The following NAALADL2 variants were observed in gnomAD, a reference collection of about 807,000 sequenced individuals.
The protein encoded by NAALADL2 is inactive N-acetylated-alpha-linked acidic dipeptidase-like protein 2.
A neutral mutation model predicts 87.2 loss-of-function variants in NAALADL2; 76 were observed. That is an observed-to-expected ratio of 0.87 (90% CI 0.72 to 1.05). The LOEUF (loss-of-function observed/expected upper bound fraction) is 1.05. NAALADL2 is among the 50% of genes least tolerant of loss of function. The pLI is 0.00. For synonymous variants in NAALADL2, 354 were observed against 331.0 expected (o/e 1.07, Z -0.75); for missense variants, 1,089 against 945.8 (o/e 1.15, Z -1.99).
chr3:175,596,384 A>C (rs546550060), intron 10 of NAALADL2, among the ~76,000 whole-genome samples: 39 of 152,082 alleles, frequency 2.6e-4, no homozygotes, highest in Non-Finnish European at 4.3e-4. Context: ...ACTATTTTAG[A>C]GAGAATTTTT....
intron 2 of NAALADL2, among the ~76,000 whole-genome samples, chr3:175,152,576 A>C (rs1470519807): frequency 6.6e-6 from 1 of 152,156 alleles, no homozygotes; most frequent in Non-Finnish European, 1.5e-5. Flanking sequence ...GGGGAAATAT[A>C]ATATGGATAT....
intron 3 of NAALADL2, among the ~76,000 whole-genome samples, chr3:174,775,876 C>G (rs775137606): frequency 7.6e-4 from 115 of 152,164 alleles, no homozygotes; most frequent in Non-Finnish European, 1.4e-3. Context: ...GAAGTCTTTC[C>G]GTAAAGGGCA....
At chr3:174,627,794 C>G (rs531005744) in intron 2 of NAALADL2, among the ~76,000 whole-genome samples, 1 of 152,206 alleles carries the variant, frequency 6.6e-6, no homozygotes, top group East Asian at 1.9e-4. Flanking sequence ...TTTGGAGCAA[C>G]ATGGATGGAG....
chr3:175,763,693 G>C (rs1748327564), intron 13 of NAALADL2, among the ~76,000 whole-genome samples: 1 of 152,166 alleles, frequency 6.6e-6, no homozygotes, highest in African/African-American at 2.4e-5. Context: ...AATAACATGT[G>C]TGTAAGGTAT....
intron 1 of NAALADL2, among the ~76,000 whole-genome samples, chr3:174,469,662 C>T (rs553350458): frequency 6.6e-6 from 1 of 151,766 alleles, no homozygotes; most frequent in African/African-American, 2.4e-5. Flanking sequence ...TATCTCTTGA[C>T]GTCGTGATCC....
chr3:175,262,440 A>G (rs1751198752), intron 4 of NAALADL2, among the ~76,000 whole-genome samples: 1 of 151,972 alleles, frequency 6.6e-6, no homozygotes, highest in Admixed American at 6.6e-5. Flanking sequence ...AGTTGGTGGA[A>G]CTCTATTTTT....
At chr3:174,612,386 C>T (rs1461051313) in intron 2 of NAALADL2, among the ~76,000 whole-genome samples, 1 of 152,110 alleles carries the variant, frequency 6.6e-6, no homozygotes, top group Admixed American at 6.6e-5. Context: ...TCTACTCCAT[C>T]TCTTTCTCTA....
intron 2 of NAALADL2, among the ~76,000 whole-genome samples, chr3:174,733,281 C>T (rs1044435426): frequency 1.3e-5 from 2 of 152,160 alleles, no homozygotes; most frequent in Non-Finnish European, 2.9e-5. Context: ...GGAAAAAAAT[C>T]ACATCTTTAA....
At chr3:174,899,729 CA>C (rs56088663) in intron 1 of NAALADL2, among the ~76,000 whole-genome samples, 11,390 of 152,070 alleles carry the variant, frequency 0.075, 514 homozygotes, top group Middle Eastern at 0.12. Flanking sequence ...TGGCCTAACA[CA>C]ATATAATATA....
In NAALADL2 at chr3:175,526,691, A is replaced by G. The variant is rs1047545635; in HGVS notation, c.1654-49350A>G. 2.1e-4 allele frequency among the ~76,000 whole-genome samples: 32 copies of G among 152,248 alleles called. 1 individual carries two copies. Among genetic ancestry groups the G allele is most frequent in the Admixed American group, 7.2e-4 (11 of 15,286 alleles). On this transcript the variant is annotated intron_variant, in intron 9 of 13. Transcript: ENST00000454872. ...CTCTGCTAGGCAGAAGCTTAATGAA[A>G]TAGATCTTCCAAAAAGACCTAAAAA...
chr3:175,283,108 C>A (rs1754522607), intron 4 of NAALADL2, among the ~76,000 whole-genome samples: 1 of 151,970 alleles, frequency 6.6e-6, no homozygotes, highest in Non-Finnish European at 1.5e-5. Flanking sequence ...GAAATGGTCT[C>A]AAATTGTTTC....
chr3:175,494,667 A>G (rs1728562364), intron 9 of NAALADL2, among the ~76,000 whole-genome samples: 1 of 152,100 alleles, frequency 6.6e-6, no homozygotes, highest in Non-Finnish European at 1.5e-5. Context: ...GATGTGACTA[A>G]TACCCACAGG....
chr3:175,305,244 TTGTGTATGTGTGTGTGTGTGTG>T (rs1330184384), intron 4 of NAALADL2, among the ~76,000 whole-genome samples: 4 of 131,658 alleles, frequency 3.0e-5, no homozygotes, highest in African/African-American at 1.4e-4. Context: ...GTGTGTGTGT[TTGTGTATGTGTGTGTGTGTGTG>T]TGTGTATGTG....
At chr3:174,831,450 G>C (rs200771629) in intron 3 of NAALADL2, among the ~76,000 whole-genome samples, 2 of 140,258 alleles carry the variant, frequency 1.4e-5, no homozygotes, top group African/African-American at 5.6e-5. Context: ...GCATCCCAGG[G>C]ATGAAGCCCA....
At chr3:174,677,188 C>A (rs1202210547) in intron 2 of NAALADL2, among the ~76,000 whole-genome samples, 2 of 152,036 alleles carry the variant, frequency 1.3e-5, no homozygotes, top group Non-Finnish European at 2.9e-5. Context: ...TTTTAACCAT[C>A]ATCATTTGAC....
chr3:174,934,656 A>AAACAACAAAACATAAAC (rs1355474105), intron 1 of NAALADL2, among the ~76,000 whole-genome samples: 1 of 152,064 alleles, frequency 6.6e-6, no homozygotes, highest in East Asian at 1.9e-4. Flanking sequence ...TATAAAAACA[A>AAACAACAAAACATAAAC]AACAACAAAA....
intron 1 of NAALADL2, among the ~76,000 whole-genome samples, chr3:175,016,397 A>T (rs13319059): frequency 0.055 from 8,292 of 151,092 alleles, 391 homozygotes; most frequent in East Asian, 0.2. Flanking sequence ...CTTAGGATAT[A>T]TTGCTCATTG....
At chr3:175,316,107 A>G (rs1359005113) in intron 4 of NAALADL2, among the ~76,000 whole-genome samples, 1 of 152,204 alleles carries the variant, frequency 6.6e-6, no homozygotes, top group Non-Finnish European at 1.5e-5. Flanking sequence ...GCATAGAAAA[A>G]TTATGTAAGT....
chr3:175,175,001 T>C (rs547998046), intron 2 of NAALADL2, among the ~76,000 whole-genome samples: 1 of 152,204 alleles, frequency 6.6e-6, no homozygotes, highest in Admixed American at 6.5e-5. Flanking sequence ...TAAATGATAT[T>C]GAATTTTTTG....
Sources: allele counts gnomAD v4.1 joint callset (sites outside exome capture counted in the v4.1 genomes callset), GRCh38; gene constraint gnomAD v4.1.1; transcripts MANE v1.5; gene names NCBI Gene and HGNC (gene_info 2026-07-23, HGNC 2026-07-21).